GRM7: variants seen among roughly 807,000 people sequenced by gnomAD.
The protein encoded by GRM7 is glutamate metabotropic receptor 7.
GRM7 carries 35 observed loss-of-function variants against 84.5 expected under a neutral mutation model. The observed-to-expected ratio is 0.41, with a 90% confidence interval of 0.32 to 0.55. GRM7 has a LOEUF of 0.55. Ranked by LOEUF, GRM7 falls within the 20% of genes least tolerant of loss-of-function variation. The pLI is 0.19. For missense variants in GRM7, 1,003 were observed against 1,194.6 expected (o/e 0.84, Z 2.36); for synonymous variants, 487 against 455.1 (o/e 1.07, Z -0.89).
At chr3:7,411,304 C>T (rs1001456473) in intron 4 of GRM7, among the ~76,000 whole-genome samples, 1 of 151,984 alleles carries the variant, frequency 6.6e-6, no homozygotes, top group Non-Finnish European at 1.5e-5. Context: ...AAATTTAAAC[C>T]ACTGCCATAG....
intron 2 of GRM7, among the ~76,000 whole-genome samples, chr3:7,179,833 A>G (rs552737130): frequency 5.9e-5 from 9 of 152,302 alleles, no homozygotes; most frequent in African/African-American, 2.2e-4. Context: ...AATAATTGAA[A>G]AATAGTATAG....
chr3:6,862,846 C>T lies in GRM7; in HGVS notation c.519+939C>T, dbSNP rs1284311170. ...TTGGGAGGCAGAGGGGTGCGTGAAG[C>T]GGGGCCCCGTGGTCCTCCTGCTCCG... On this transcript the variant is annotated intron_variant, in intron 1 of 9. Transcript: ENST00000357716. The surrounding 1 kb of genome is among the most constrained non-coding windows in gnomAD (Gnocchi z 5.2). 1 of 331,306 alleles carries T rather than the reference C, an allele frequency of 3.0e-6. No homozygotes were observed. The allele number at this position is 331,306 out of a possible 1,614,324, so 20.5% of individuals were successfully genotyped here. A position where few individuals can be genotyped will look rare whatever the true frequency, so the allele number is the denominator to read the frequency against.
intron 2 of GRM7, among the ~76,000 whole-genome samples, chr3:7,211,772 A>G (rs1696437848): frequency 6.6e-6 from 1 of 152,096 alleles, no homozygotes; most frequent in African/African-American, 2.4e-5. Context: ...TTCACATCGG[A>G]CTTAATGACA....
intron 1 of GRM7, among the ~76,000 whole-genome samples, chr3:7,062,286 T>G (rs537618303): frequency 2.0e-5 from 3 of 151,640 alleles, no homozygotes; most frequent in African/African-American, 7.2e-5. Flanking sequence ...ACACTGAGGA[T>G]TTTGTATCTG....
chr3:7,702,441 T>C (rs1701260566), intron 9 of GRM7, among the ~76,000 whole-genome samples: 1 of 152,226 alleles, frequency 6.6e-6, no homozygotes, highest in Non-Finnish European at 1.5e-5. Context: ...TTTAAAAACC[T>C]AACCCCTATG....
At chr3:7,515,561 C>T (rs868462665) in intron 7 of GRM7, among the ~76,000 whole-genome samples, 40 of 152,128 alleles carry the variant, frequency 2.6e-4, no homozygotes, top group African/African-American at 9.4e-4. Flanking sequence ...TTTTACCAAG[C>T]CAGTATCAAA....
intron 2 of GRM7, among the ~76,000 whole-genome samples, chr3:7,279,238 A>G (rs571797865): frequency 6.6e-6 from 1 of 152,284 alleles, no homozygotes; most frequent in African/African-American, 2.4e-5. Flanking sequence ...TTTATTTTAC[A>G]TAATAAAGGT....
chr3:7,312,929 TTTTTTTC>T (rs1221165337), intron 4 of GRM7, among the ~76,000 whole-genome samples: 1 of 115,406 alleles, frequency 8.7e-6, no homozygotes, highest in African/African-American at 4.6e-5. Flanking sequence ...CTTTTTTTTC[TTTTTTTC>T]TTTTTTTTTT....
At chr3:7,648,497 A>G (rs1698764881) in intron 8 of GRM7, among the ~76,000 whole-genome samples, 1 of 151,756 alleles carries the variant, frequency 6.6e-6, no homozygotes, top group African/African-American at 2.4e-5. Flanking sequence ...AAAATACAAA[A>G]AGTTAGCTGG....
intron 1 of GRM7, among the ~76,000 whole-genome samples, chr3:6,979,111 TA>T (rs1209048390): frequency 6.6e-6 from 1 of 152,120 alleles, no homozygotes; most frequent in African/African-American, 2.4e-5. Context: ...GTATCGACAC[TA>T]AAATATTTCC....
At chr3:7,569,807 G>A (rs928757925) in intron 7 of GRM7, among the ~76,000 whole-genome samples, 12 of 151,954 alleles carry the variant, frequency 7.9e-5, no homozygotes, top group Non-Finnish European at 1.6e-4. Flanking sequence ...TCCTGAGCCC[G>A]TGAGACCACA....
At chr3:6,904,218 T>C (rs530650522) in intron 1 of GRM7, among the ~76,000 whole-genome samples, 65 of 152,296 alleles carry the variant, frequency 4.3e-4, no homozygotes, top group African/African-American at 1.5e-3. Context: ...AGATATTTGT[T>C]TGTAGTTTTT....
chr3:7,730,988 A>G (rs78394017), intron 9 of GRM7, among the ~76,000 whole-genome samples: 1 of 152,326 alleles, frequency 6.6e-6, no homozygotes, highest in Admixed American at 6.5e-5. Context: ...TTTAAGACAG[A>G]GACTTTGTCT....
intron 1 of GRM7, among the ~76,000 whole-genome samples, chr3:6,975,906 C>T (rs1406014784): frequency 6.6e-6 from 1 of 152,152 alleles, no homozygotes; most frequent in African/African-American, 2.4e-5. Context: ...ACCTCAGTCA[C>T]AGAAGGCATA....
intron 7 of GRM7, among the ~76,000 whole-genome samples, chr3:7,472,356 A>G (rs1698737129): frequency 8.2e-6 from 1 of 121,970 alleles, no homozygotes; most frequent in East Asian, 1.9e-4. Flanking sequence ...ATGTGTAAAT[A>G]GGAATGTTAA....
At chr3:7,604,321 G>C (rs1696460214) in intron 8 of GRM7, among the ~76,000 whole-genome samples, 1 of 152,152 alleles carries the variant, frequency 6.6e-6, no homozygotes, top group Admixed American at 6.6e-5. Context: ...TACTATAGAG[G>C]ATAGCTTAAG....
chr3:7,425,456 C>A (rs922053856), intron 5 of GRM7, among the ~76,000 whole-genome samples: 1 of 152,118 alleles, frequency 6.6e-6, no homozygotes, highest in Admixed American at 6.6e-5. Flanking sequence ...TTGCTTGGGA[C>A]CTTCTGTCCA....
intron 1 of GRM7, among the ~76,000 whole-genome samples, chr3:7,059,728 A>G (rs1697363384): frequency 6.6e-6 from 1 of 151,748 alleles, no homozygotes; most frequent in South Asian, 2.1e-4. Flanking sequence ...TGAGACCCTC[A>G]TGAATGGGAT....
At chr3:7,303,399 G>A (rs1313413685) in intron 3 of GRM7, among the ~76,000 whole-genome samples, 1 of 151,734 alleles carries the variant, frequency 6.6e-6, no homozygotes, top group Non-Finnish European at 1.5e-5. Flanking sequence ...GTTTCTTCTG[G>A]TTTTATCTGC....
Sources: gnomAD v4.1 joint callset for allele counts (sites outside exome capture counted in the v4.1 genomes callset) on GRCh38, gnomAD v4.1.1 for gene constraint, Gnocchi (gnomAD v3.1) non-coding constraint, MANE v1.5 for transcripts, NCBI Gene and HGNC (gene_info 2026-07-23, HGNC 2026-07-21) for gene names.